The following SPON2 variants were observed in gnomAD, a reference collection of about 807,000 sequenced individuals.
The protein encoded by SPON2 is spondin 2.
SPON2 carries 32 observed loss-of-function variants against 29.9 expected under a neutral mutation model. That is an observed-to-expected ratio of 1.07 (90% CI 0.81 to 1.44). The LOEUF (loss-of-function observed/expected upper bound fraction) is 1.44, where lower values mean the gene tolerates loss of function less well. Ranked by LOEUF, SPON2 falls within the 40% of genes most tolerant of loss-of-function variation. SPON2 has a pLI of 0.00. For synonymous variants in SPON2, 248 were observed against 209.1 expected, an observed-to-expected ratio of 1.19 and a Z score of -1.61; for missense variants, 541 against 455.5, an observed-to-expected ratio of 1.19 and a Z score of -1.71.
chr4:1,201,079 G>A, intron 1 of SPON2: 1 of 453,036 alleles, frequency 2.2e-6, no homozygotes, highest in Non-Finnish European at 4.5e-6. Context: ...AGGTTGGCCT[G>A]GGGCGCCCAT....
At chr4:1,176,235 T>C (rs1248613708), upstream of SPON2, among the ~76,000 whole-genome samples, 1 of 152,052 alleles carries the variant, frequency 6.6e-6, no homozygotes, top group Non-Finnish European at 1.5e-5. Context: ...ACCAGAAGTC[T>C]CTATCCTGCC....
intron 5 of SPON2, 80 bp from the exon 6 acceptor site, chr4:1,167,736 AC>A: frequency 6.9e-7 from 1 of 1,454,622 alleles, no homozygotes; most frequent in African/African-American, 1.4e-5. Flanking sequence ...CCTCCCACCA[AC>A]GTGTGCATTC....
intron 1 of SPON2, among the ~76,000 whole-genome samples, chr4:1,207,695 C>T (rs531167254): frequency 6.6e-6 from 1 of 152,168 alleles, no homozygotes; most frequent in African/African-American, 2.4e-5. Flanking sequence ...GTCCGGCTGC[C>T]TAACCATGCG....
chr4:1,200,695 C>G (rs772794277), intron 1 of SPON2: 1 of 408,928 alleles, frequency 2.4e-6, no homozygotes, highest in Non-Finnish European at 5.0e-6. Context: ...ACCCTCACAA[C>G]TCTCCCATCT....
intron 1 of SPON2, among the ~76,000 whole-genome samples, chr4:1,203,391 C>A (rs971075490): frequency 6.6e-6 from 1 of 152,206 alleles, no homozygotes; most frequent in African/African-American, 2.4e-5. Flanking sequence ...CTTCACTTGG[C>A]AAATGTTTGC....
chr4:1,195,935 G>A (rs903522111), upstream of SPON2, among the ~76,000 whole-genome samples: 2 of 152,204 alleles, frequency 1.3e-5, no homozygotes, highest in Non-Finnish European at 2.9e-5. Flanking sequence ...GCCTGGCCAC[G>A]CGCCTTGTTG....
intron 2 of SPON2, among the ~76,000 whole-genome samples, chr4:1,178,896 C>T (rs1056145396): frequency 1.2e-4 from 18 of 152,220 alleles, no homozygotes; most frequent in African/African-American, 7.2e-5. Context: ...TGCAGGAACC[C>T]GCCACCCCAG....
chr4:1,190,582 T>C (rs1174101956), intron 1 of SPON2, among the ~76,000 whole-genome samples: 1 of 152,216 alleles, frequency 6.6e-6, no homozygotes, highest in African/African-American at 2.4e-5. Context: ...GAAAAGATTA[T>C]GCACAATGAA....
intron 1 of SPON2, among the ~76,000 whole-genome samples, chr4:1,205,303 G>A (rs926710189): frequency 2.6e-5 from 4 of 152,236 alleles, no homozygotes; most frequent in African/African-American, 9.6e-5. Context: ...ACAGGAGGTG[G>A]CGCTGGCTGA....
chr4:1,201,668 C>T (rs958839290), intron 1 of SPON2, among the ~76,000 whole-genome samples: 13 of 152,036 alleles, frequency 8.6e-5, no homozygotes, highest in African/African-American at 3.1e-4. Context: ...CTGCAAGCTC[C>T]GCCTCCTGGG....
rs1411998000 is a variant in SPON2 at position 1,171,560 on chromosome 4, C to T, written c.221-74G>A. ...CGGGCTTGGATTCCAGGGGGCGCCC[C>T]AGGAAATCCCTCCCCGCCGCCCGCA... On this transcript the variant is annotated intron_variant, in intron 2 of 5. Transcript: ENST00000290902. 19 of 1,440,752 alleles carry T rather than the reference C, an allele frequency of 1.3e-5. No homozygotes were observed. In the South Asian group the frequency reaches 1.9e-4, roughly 15 times the overall value. The allele number at this position is 1,440,752 out of a possible 1,614,324, so 89.2% of individuals were successfully genotyped here.
At chr4:1,177,951 GA>G (rs1435897774), upstream of SPON2, among the ~76,000 whole-genome samples, 3 of 152,108 alleles carry the variant, frequency 2.0e-5, no homozygotes. Context: ...AAACCCACCT[GA>G]AAAGTCCTGT....
chr4:1,186,033 A>C (rs1318850536), intron 1 of SPON2, among the ~76,000 whole-genome samples: 1 of 150,242 alleles, frequency 6.7e-6, no homozygotes, highest in African/African-American at 2.4e-5. Flanking sequence ...TCACGAGGTC[A>C]GGAGATCGAG....
chr4:1,178,412 C>T (rs1227074931), intron 2 of SPON2, among the ~76,000 whole-genome samples: 1 of 151,564 alleles, frequency 6.6e-6, no homozygotes, highest in Non-Finnish European at 1.5e-5. Flanking sequence ...CTCCCCCTCC[C>T]TCATCTTCAG....
At chr4:1,172,453 C>A (rs1727490210) in intron 1 of SPON2, 91 bp downstream of exon 1, 1 of 330,312 alleles carries the variant, frequency 3.0e-6, no homozygotes, top group Non-Finnish European at 5.7e-6. Context: ...TCCTGGGGGT[C>A]CCTCTGGAGG....
exon 1 of SPON2, chr4:1,195,097 C>T (rs1389772492): frequency 6.7e-6 from 1 of 148,292 alleles, no homozygotes; most frequent in Non-Finnish European, 1.5e-5. Flanking sequence ...GCTCCAACCC[C>T]GCAGCCGGCG....
intron 1 of SPON2, among the ~76,000 whole-genome samples, chr4:1,185,367 T>C (rs1044988596): frequency 1.3e-5 from 2 of 148,818 alleles, no homozygotes; most frequent in African/African-American, 2.5e-5. Flanking sequence ...TAATCCACCA[T>C]GCCCGGCCAG....
chr4:1,205,683 G>A (rs1402127591), intron 1 of SPON2, among the ~76,000 whole-genome samples: 1 of 152,160 alleles, frequency 6.6e-6, no homozygotes, highest in Non-Finnish European at 1.5e-5. Flanking sequence ...ATTTGGTGTT[G>A]ATCAGGGGAG....
chr4:1,190,307 A>C (rs1021516252), intron 1 of SPON2, among the ~76,000 whole-genome samples: 4 of 152,030 alleles, frequency 2.6e-5, no homozygotes, highest in East Asian at 3.8e-4. Context: ...ACAAAAAAAA[A>C]CAAACTTCCC....
Sources: allele counts gnomAD v4.1 joint callset (sites outside exome capture counted in the v4.1 genomes callset), GRCh38; gene constraint gnomAD v4.1.1; transcripts MANE v1.5; gene names NCBI Gene and HGNC (gene_info 2026-07-23, HGNC 2026-07-21).